Variants in SP3 observed in about 807,000 individuals in gnomAD.
SP3 encodes transcription factor Sp3.
A neutral mutation model predicts 70.3 loss-of-function variants in SP3; 10 were observed. The ratio of observed to expected loss-of-function variants is 0.14; its 90% confidence interval spans 0.09 to 0.24. The LOEUF is 0.24. Among genes scored for constraint, SP3 ranks in the 10% least tolerant of loss-of-function variants. The pLI is 1.00. For synonymous variants in SP3, 402 were observed against 333.5 expected, an observed-to-expected ratio of 1.21 and a Z score of -2.24; for missense variants, 825 against 914.6, an observed-to-expected ratio of 0.90 and a Z score of 1.26.
intron 4 of SP3, among the ~76,000 whole-genome samples, chr2:173,931,553 A>AGGCTGG (rs71018602): frequency 0.33 from 49,793 of 151,208 alleles, 8,635 homozygotes; most frequent in Non-Finnish European, 0.38. Flanking sequence ...CATATTGGCC[A>AGGCTGG]GGCTGGTCTT....
intron 4 of SP3, 57 bp downstream of exon 4, chr2:173,954,816 T>C (rs968856415): frequency 1.5e-4 from 221 of 1,522,158 alleles, no homozygotes; most frequent in Admixed American, 1.8e-4. Flanking sequence ...AGCAAAAAAT[T>C]TCCCTCTATG....
Position 173,954,876 on chromosome 2 carries a change from C to T in SP3, c.1636G>A (p.Ala546Thr). 1.2e-6 allele frequency: 2 copies of T among 1,610,580 alleles called. No homozygotes were observed. Among genetic ancestry groups the T allele is most frequent in the Admixed American group, 3.3e-5 (2 of 59,968 alleles). ...CATGACATAACTTAAGACTCACCTGCAGGACTGTCAGCATTCTCTCCTGGA... is the reference window on the plus strand; with the variant it reads ...CATGACATAACTTAAGACTCACCTGTAGGACTGTCAGCATTCTCTCCTGGA... ...LHPGENADSP[A>T]DIRIKEEEPD... The change falls in exon 4 of 7, where the codon GCA (alanine) becomes ACA (threonine). Residue 546 changes from alanine to threonine, a missense_variant. This residue lies in a region of SP3 where 678 missense variants were observed against 651.6 expected (regional missense o/e 1.04). Coordinates refer to ENST00000310015, the MANE Select transcript of SP3 (RefSeq NM_003111.5).
intron 3 of SP3, among the ~76,000 whole-genome samples, chr2:173,959,190 A>G (rs1387361434): frequency 6.6e-6 from 1 of 152,178 alleles, no homozygotes; most frequent in Non-Finnish European, 1.5e-5. Context: ...CCACAATTCC[A>G]CAATGAATCA....
Position 173,904,302 on chromosome 2 carries a change from T to C in SP3, c.*5639A>G, listed in dbSNP as rs948948309. Among the ~76,000 whole-genome samples the C allele has an allele frequency of 6.6e-6, 1 of 152,048 alleles. No individual in the cohort carries two copies. Among genetic ancestry groups the C allele is most frequent in the Non-Finnish European group, 1.5e-5 (1 of 67,998 alleles). ...CTGTGGCCCAGGGGTTGGGGACCCT[T>C]TTCTATAGGATCAAGTCATCAACTC... On this transcript the variant is annotated 3_prime_UTR_variant, in exon 7 of 7. Coordinates refer to ENST00000310015, the MANE Select transcript of SP3 (RefSeq NM_003111.5).
rs1559108355 is a variant in SP3 at position 173,955,117 on chromosome 2, C to A, written c.1395G>T (p.Thr465=). The A allele has an allele frequency of 6.2e-7, 1 of 1,614,180 alleles. No individual in the cohort carries two copies. Among genetic ancestry groups the A allele is most frequent in the African/African-American group, 1.3e-5 (1 of 75,042 alleles). The change falls in exon 4 of 7, where the codon ACG becomes ACT. Residue 465 remains threonine, a synonymous_variant. Transcript: ENST00000310015. ...VTPSGQVTWQ[T]FQVQGVQNLQ... is the part of the protein sequence containing the mutation. ...AGTTCTGGACCCCTTGTACTTGAAA[C>A]GTTTGCCAAGTTACCTGTCCAGAAG...
chr2:173,939,991 G>A lies in SP3; in HGVS notation c.1639+14882C>T, dbSNP rs144530900. On this transcript the variant is annotated intron_variant, in intron 4 of 6. Coordinates refer to ENST00000310015, the MANE Select transcript of SP3 (RefSeq NM_003111.5). The stretch of plus-strand genomic sequence containing the variant: ...GGGTTCAATCAATCCTCCCATCTCC[G>A]CCTCTCTGAGCAGACAGGACTATGG... Among the ~76,000 whole-genome samples, 111 of 152,048 alleles carry A rather than the reference G, an allele frequency of 7.3e-4. 2 individuals are homozygous for A. In the East Asian group the frequency reaches 0.018, roughly 25 times the overall value.
In SP3 at chr2:173,953,790, A is replaced by C. The variant is rs1051703729; in HGVS notation, c.1639+1083T>G. ...CTCAAAAAACAAAACAAAACAAAAA[A>C]AAAAACAACTACTGCTCTAAACCAG... On this transcript the variant is annotated intron_variant, in intron 4 of 6. Coordinates refer to ENST00000310015, the MANE Select transcript of SP3 (RefSeq NM_003111.5). Among the ~76,000 whole-genome samples the C allele has an allele frequency of 4.2e-4, 64 of 152,118 alleles. 1 individual carries two copies. The South Asian group carries it at 0.011, about 27-fold the overall frequency.
intron 4 of SP3, among the ~76,000 whole-genome samples, chr2:173,947,970 T>C (rs777435587): frequency 1.3e-5 from 2 of 152,134 alleles, no homozygotes; most frequent in African/African-American, 2.4e-5. Flanking sequence ...TGTCCTCCTA[T>C]TTTCCTGCAT....
Position 173,905,194 on chromosome 2 carries a change from G to A in SP3, c.*4747C>T, listed in dbSNP as rs543100292. On this transcript the variant is annotated 3_prime_UTR_variant, in exon 7 of 7. Coordinates refer to ENST00000310015, the MANE Select transcript of SP3 (RefSeq NM_003111.5). Reference sequence around the variant, plus strand: ...TCTCATTTTGGAAAAATCAATGTATGAACCATAGTCAAACAATGAAAATTC... The same window carrying A: ...TCTCATTTTGGAAAAATCAATGTATAAACCATAGTCAAACAATGAAAATTC... 6.6e-6 allele frequency among the ~76,000 whole-genome samples: 1 copy of A among 152,230 alleles called. No individual in the cohort carries two copies. Among genetic ancestry groups the A allele is most frequent in the Admixed American group, 6.5e-5 (1 of 15,292 alleles).
intron 5 of SP3, 131 bp from the exon 6 acceptor site, chr2:173,913,397 A>C (rs1050167649): frequency 2.0e-5 from 12 of 595,138 alleles, no homozygotes; most frequent in African/African-American, 1.7e-4. Context: ...TCAGAAACCA[A>C]AACCATTTAA....
chr2:173,931,196 G>A (rs796604610), intron 4 of SP3, among the ~76,000 whole-genome samples: 17 of 152,306 alleles, frequency 1.1e-4, no homozygotes, highest in African/African-American at 4.1e-4. Flanking sequence ...TGCTGGTGGA[G>A]GGTCTTGCCT....
At chr2:173,920,073 G>C (rs191730666) in intron 4 of SP3, among the ~76,000 whole-genome samples, 6 of 150,974 alleles carry the variant, frequency 4.0e-5, no homozygotes, top group South Asian at 2.1e-4. Context: ...AAAGCATTTC[G>C]AACAAAAGAA....
At position 173,922,815 on chromosome 2, in the gene SP3, T is replaced by C. The variant is rs566731858; in HGVS notation, c.1640-4030A>G. The stretch of plus-strand genomic sequence containing the variant: ...TGTGAGCACAAAACCCTGCCTAGTA[T>C]AGACTCCAGAGAGTGGAAGGAGATG... On this transcript the variant is annotated intron_variant, in intron 4 of 6. Transcript: ENST00000310015. 2.0e-5 allele frequency among the ~76,000 whole-genome samples: 3 copies of C among 152,284 alleles called. No individual in the cohort carries two copies. The East Asian group carries it at 5.8e-4, about 29-fold the overall frequency.
intron 4 of SP3, among the ~76,000 whole-genome samples, chr2:173,925,948 A>T (rs1288986483): frequency 6.6e-6 from 1 of 152,214 alleles, no homozygotes; most frequent in African/African-American, 2.4e-5. Context: ...GATCTGCTAT[A>T]AGCAGCTGTA....
chr2:173,934,235 C>CT (rs1690153834), intron 4 of SP3, among the ~76,000 whole-genome samples: 1 of 147,088 alleles, frequency 6.8e-6, no homozygotes, highest in South Asian at 2.2e-4. Context: ...GAACTTGTCT[C>CT]TAAAAAAAAA....
chr2:173,943,795 T>G lies in SP3; in HGVS notation c.1639+11078A>C, dbSNP rs568352330. ...TAATATACAACCATTTGTCACTTAA[T>G]GACTGGGATACATTCTGAGAAATAC... On this transcript the variant is annotated intron_variant, in intron 4 of 6. Coordinates refer to ENST00000310015, the MANE Select transcript of SP3 (RefSeq NM_003111.5). Among the ~76,000 whole-genome samples the G allele has an allele frequency of 3.9e-5, 6 of 152,360 alleles. No individual in the cohort carries two copies. The South Asian group carries it at 1.2e-3, about 32-fold the overall frequency.
At chr2:173,958,961 G>T (rs527501046) in intron 3 of SP3, among the ~76,000 whole-genome samples, 2 of 152,246 alleles carry the variant, frequency 1.3e-5, no homozygotes, top group South Asian at 2.1e-4. Context: ...CAAGATCATT[G>T]TGAGTGCTAA....
At chr2:173,940,975 CCTTG>C (rs764226787) in intron 4 of SP3, among the ~76,000 whole-genome samples, 3 of 152,174 alleles carry the variant, frequency 2.0e-5, no homozygotes, top group Admixed American at 6.5e-5. Flanking sequence ...CTGTGTTTCA[CCTTG>C]CTTGTTTTCT....
intron 6 of SP3, among the ~76,000 whole-genome samples, chr2:173,911,418 A>C (rs537004724): frequency 1.3e-5 from 2 of 152,176 alleles, no homozygotes; most frequent in African/African-American, 4.8e-5. Context: ...TTTTTCTACT[A>C]AAGTATTTCC....
Sources: allele counts gnomAD v4.1 joint callset (sites outside exome capture counted in the v4.1 genomes callset), GRCh38; gene constraint gnomAD v4.1.1; regional missense constraint gnomAD v4.1.1; transcripts MANE v1.5; gene names NCBI Gene and HGNC (gene_info 2026-07-23, HGNC 2026-07-21).